Variants in PRKCB observed in about 807,000 individuals in gnomAD.
The protein encoded by PRKCB is protein kinase C beta, also known as protein kinase C beta type.
In PRKCB, 13 loss-of-function variants were observed where a neutral mutation model predicts 81.5. That is an observed-to-expected ratio of 0.16 (90% CI 0.10 to 0.25). PRKCB has a LOEUF of 0.25. PRKCB is among the 10% of genes least tolerant of loss of function. The probability of loss-of-function intolerance (pLI) is 1.00; values close to 1 mark genes in which losing one functional copy is unlikely to be tolerated. For missense variants in PRKCB, 509 were observed against 875.7 expected (o/e 0.58, Z 5.29); for synonymous variants, 335 against 321.4 (o/e 1.04, Z -0.45).
rs55928068 is a variant in PRKCB, at chr16:23,945,723, A to AAAAAAGAAAAAG, written c.206-42768_206-42757dup. Among the ~76,000 whole-genome samples the AAAAAAGAAAAAG allele has an allele frequency of 2.1e-3, 310 of 149,868 alleles. 3 individuals are homozygous for AAAAAAGAAAAAG. Among genetic ancestry groups the AAAAAAGAAAAAG allele is most frequent in the African/African-American group, 6.0e-3 (245 of 40,710 alleles). ...AATGTTTAGTAGTTGGCTCTCTGGT[A>AAAAAAGAAAAAG]AAAAAGAAAAAGAAAAAGAAAAAGA... On this transcript the variant is annotated intron_variant, in intron 2 of 16. Coordinates refer to ENST00000643927, the MANE Select transcript of PRKCB (RefSeq NM_002738.7).
At chr16:23,983,471 T>C (rs907724997) in intron 2 of PRKCB, among the ~76,000 whole-genome samples, 10 of 152,198 alleles carry the variant, frequency 6.6e-5, no homozygotes, top group African/African-American at 1.7e-4. Flanking sequence ...AATGGTTGGA[T>C]TGACAAATAT....
intron 2 of PRKCB, among the ~76,000 whole-genome samples, chr16:23,856,009 A>T (rs145139266): frequency 6.6e-6 from 1 of 152,112 alleles, no homozygotes; most frequent in Non-Finnish European, 1.5e-5. Flanking sequence ...GCGTGCTTCT[A>T]TGTCTTTCTT....
At chr16:24,116,061 A>G (rs1459659656) in intron 8 of PRKCB, among the ~76,000 whole-genome samples, 1 of 152,146 alleles carries the variant, frequency 6.6e-6, no homozygotes, top group Non-Finnish European at 1.5e-5. Flanking sequence ...CACGTGGTAT[A>G]TTTCAGTACG....
At chr16:24,214,387 C>A (rs1968191546) in intron 16 of PRKCB, among the ~76,000 whole-genome samples, 1 of 152,046 alleles carries the variant, frequency 6.6e-6, no homozygotes, top group Non-Finnish European at 1.5e-5. Flanking sequence ...CCTTTGCCAT[C>A]CATCTCCTGA....
At chr16:23,851,825 A>G (rs1354756313) in intron 2 of PRKCB, among the ~76,000 whole-genome samples, 3 of 152,046 alleles carry the variant, frequency 2.0e-5, no homozygotes, top group Non-Finnish European at 4.4e-5. Flanking sequence ...ACACCTAAGT[A>G]ATTTTTTTTT....
chr16:24,175,190 T>C (rs1465425788), intron 12 of PRKCB, among the ~76,000 whole-genome samples: 2 of 152,066 alleles, frequency 1.3e-5, no homozygotes, highest in Non-Finnish European at 2.9e-5. Flanking sequence ...CAATTCTCCT[T>C]GTACTACATT....
At chr16:24,106,927 C>T (rs775262166) in intron 7 of PRKCB, among the ~76,000 whole-genome samples, 5 of 149,660 alleles carry the variant, frequency 3.3e-5, no homozygotes, top group Non-Finnish European at 7.4e-5. Context: ...AACGTTCCTC[C>T]TCCTCCTTTT....
At chr16:24,083,382 C>T (rs7205511) in intron 5 of PRKCB, among the ~76,000 whole-genome samples, 3,399 of 152,196 alleles carry the variant, frequency 0.022, 97 homozygotes, top group African/African-American at 0.064. Flanking sequence ...CACAAGAACC[C>T]GTGAGTATAT....
At chr16:24,110,563 C>CTGGAGT (rs888430555) in intron 7 of PRKCB, among the ~76,000 whole-genome samples, 2 of 145,382 alleles carry the variant, frequency 1.4e-5, no homozygotes, top group Non-Finnish European at 3.0e-5. Context: ...GTCACCCAGG[C>CTGGAGT]TGGAGTGCAG....
chr16:23,915,993 A>G (rs575141315), intron 2 of PRKCB, among the ~76,000 whole-genome samples: 1 of 152,212 alleles, frequency 6.6e-6, no homozygotes, highest in East Asian at 1.9e-4. Context: ...CCTCACAATT[A>G]ATATATGATG....
chr16:23,922,043 G>C (rs1351891962), intron 2 of PRKCB, among the ~76,000 whole-genome samples: 1 of 152,176 alleles, frequency 6.6e-6, no homozygotes, highest in Non-Finnish European at 1.5e-5. Flanking sequence ...TACTGACTGA[G>C]ATGTTTGGTG....
intron 16 of PRKCB, among the ~76,000 whole-genome samples, chr16:24,201,871 T>TA (rs1967962472): frequency 6.6e-6 from 1 of 151,578 alleles, no homozygotes; most frequent in South Asian, 2.1e-4. Flanking sequence ...CCATCTCCAC[T>TA]AAAAAATACA....
Position 24,217,807 on chromosome 16 carries a change from A to G in PRKCB, c.*2991A>G. On this transcript the variant is annotated 3_prime_UTR_variant, in exon 17 of 17. Transcript: ENST00000643927. The stretch of plus-strand genomic sequence containing the variant: ...CTTTGTGTCTTCTAGCTCCAAATAT[A>G]CCTGCCTTTTAGCTCACACACTGTC... 1 of 985,406 alleles carries G rather than the reference A, an allele frequency of 1.0e-6. No individual in the cohort carries two copies. Among genetic ancestry groups the G allele is most frequent in the Non-Finnish European group, 1.2e-6 (1 of 829,958 alleles). The allele number at this position is 985,406 out of a possible 1,614,324, so 61.0% of individuals were successfully genotyped here. A position where few individuals can be genotyped will look rare whatever the true frequency, so the allele number is the denominator to read the frequency against.
At chr16:24,207,847 G>A (rs1968070899) in intron 16 of PRKCB, among the ~76,000 whole-genome samples, 1 of 152,202 alleles carries the variant, frequency 6.6e-6, no homozygotes, top group Admixed American at 6.5e-5. Flanking sequence ...GAAGGCAAGT[G>A]TTCCTGGCAG....
chr16:24,088,495 A>G (rs1966335544), intron 5 of PRKCB, among the ~76,000 whole-genome samples: 1 of 152,074 alleles, frequency 6.6e-6, no homozygotes, highest in South Asian at 2.1e-4. Context: ...GGGAGGCCGA[A>G]GCGGGAGGAT....
chr16:23,849,788 T>C (rs942520643), intron 2 of PRKCB, among the ~76,000 whole-genome samples: 29 of 152,358 alleles, frequency 1.9e-4, no homozygotes, highest in Admixed American at 1.6e-3. Flanking sequence ...TCATGGTTAA[T>C]TCAAACTAAT....
At chr16:23,873,144 G>A (rs1484395726) in intron 2 of PRKCB, among the ~76,000 whole-genome samples, 5 of 145,582 alleles carry the variant, frequency 3.4e-5, no homozygotes, top group East Asian at 2.0e-4. Flanking sequence ...GCTGGCCAAC[G>A]TGGCTAAACC....
At chr16:24,072,657 C>T (rs1966126010) in intron 5 of PRKCB, among the ~76,000 whole-genome samples, 1 of 151,766 alleles carries the variant, frequency 6.6e-6, no homozygotes, top group Admixed American at 6.6e-5. Flanking sequence ...TCTCTGCTCA[C>T]TGCAACCTCT....
chr16:23,901,077 GC>G, intron 2 of PRKCB, among the ~76,000 whole-genome samples: 1 of 152,170 alleles, frequency 6.6e-6, no homozygotes, highest in Middle Eastern at 3.4e-3. Context: ...CACTGGAACA[GC>G]TCTCTCTAAT....
Sources: gnomAD v4.1 joint callset for allele counts (sites outside exome capture counted in the v4.1 genomes callset) on GRCh38, gnomAD v4.1.1 for gene constraint, MANE v1.5 for transcripts, NCBI Gene and HGNC (gene_info 2026-07-23, HGNC 2026-07-21) for gene names.